The following SEMA4D variants were observed in gnomAD, a reference collection of about 807,000 sequenced individuals.
SEMA4D encodes the protein semaphorin 4D, also known as semaphorin-4D.
A neutral mutation model predicts 74.8 loss-of-function variants in SEMA4D; 22 were observed. The ratio of observed to expected loss-of-function variants is 0.29; its 90% confidence interval spans 0.21 to 0.42. The LOEUF is 0.42. Ranked by LOEUF, SEMA4D falls within the 10% of genes least tolerant of loss-of-function variation. SEMA4D has a pLI of 1.00. For missense variants in SEMA4D, 937 were observed against 1,118.4 expected (o/e 0.84, Z 2.31); for synonymous variants, 445 against 463.7 (o/e 0.96, Z 0.52).
At chr9:89,362,447 C>G (rs374909695) in intron 18 of SEMA4D, 1 of 1,613,856 alleles carries the variant, frequency 6.2e-7, no homozygotes, top group Admixed American at 1.7e-5. Context: ...ACAATGTGGT[C>G]TTTGAATCCT....
At chr9:89,382,126 CA>C (rs1837244132) in intron 13 of SEMA4D, among the ~76,000 whole-genome samples, 1 of 152,196 alleles carries the variant, frequency 6.6e-6, no homozygotes, top group Non-Finnish European at 1.5e-5. Flanking sequence ...CACCTGGCAC[CA>C]GCAGTGCCCA....
intron 2 of SEMA4D, among the ~76,000 whole-genome samples, chr9:89,454,960 G>A (rs1202770925): frequency 6.6e-6 from 1 of 152,238 alleles, no homozygotes; most frequent in Non-Finnish European, 1.5e-5. Context: ...TACAGAGAAG[G>A]AAACTGAACC....
At chr9:89,485,927 C>T (rs187487719) in intron 1 of SEMA4D, among the ~76,000 whole-genome samples, 246 of 152,012 alleles carry the variant, frequency 1.6e-3, no homozygotes, top group African/African-American at 5.4e-3. Context: ...CTTGGCTGAG[C>T]GGCTTCAAGA....
chr9:89,363,812 TC>T lies in SEMA4D; in HGVS notation c.2020del (p.Glu674SerfsTer21), dbSNP rs1833140181. 1 of 1,614,072 alleles carries T rather than the reference TC, an allele frequency of 6.2e-7. No individual in the cohort carries two copies. The highest frequency in any genetic ancestry group is 1.1e-5 in the South Asian group (1 of 91,092). On this transcript the variant is annotated frameshift_variant, in exon 17 of 19. Coordinates refer to the SEMA4D transcript ENST00000339861. LOFTEE classifies it high-confidence loss of function. ...TGAGGAGAGGACAGAGCAGCGATACTCAGCGCTTTCCCTGATGGCGTCCTGC... is the reference window on the plus strand; with the variant it reads ...TGAGGAGAGGACAGAGCAGCGATACTAGCGCTTTCCCTGATGGCGTCCTGC...
chr9:89,361,389 A>G (rs1296849534), exon 19 of SEMA4D: 2 of 152,242 alleles, frequency 1.3e-5, no homozygotes, highest in African/African-American at 4.8e-5. Context: ...TAGGATCACC[A>G]GAGGGGTGCG....
intron 1 of SEMA4D, among the ~76,000 whole-genome samples, chr9:89,486,198 C>A: frequency 6.6e-6 from 1 of 152,256 alleles, no homozygotes; most frequent in Middle Eastern, 3.4e-3. Context: ...TGCTCAAATA[C>A]CTGCATAATT....
chr9:89,413,722 T>G (rs1479815405), intron 2 of SEMA4D, among the ~76,000 whole-genome samples: 1 of 152,230 alleles, frequency 6.6e-6, no homozygotes, highest in Non-Finnish European at 1.5e-5. Flanking sequence ...TCTGTGTATG[T>G]GTGTGTATAA....
chr9:89,385,816 C>T, intron 13 of SEMA4D: 1 of 784,286 alleles, frequency 1.3e-6, no homozygotes, highest in Non-Finnish European at 1.5e-6. Flanking sequence ...GTTGGAGGTC[C>T]CGTTAGGAGC....
At chr9:89,375,631 G>A (rs1418557647), downstream of SEMA4D, among the ~76,000 whole-genome samples, 3 of 152,202 alleles carry the variant, frequency 2.0e-5, no homozygotes, top group Admixed American at 2.0e-4. Flanking sequence ...CCCCGGGGCA[G>A]GCTCTAACAG....
chr9:89,450,679 A>AAAAAAAAAAAAAAAAAC, intron 2 of SEMA4D: 1 of 820,614 alleles, frequency 1.2e-6, no homozygotes, highest in Non-Finnish European at 1.9e-6. Flanking sequence ...AAAAAAAAAA[A>AAAAAAAAAAAAAAAAAC]AAAAAAAAGG....
Position 89,379,484 on chromosome 9 carries a change from A to G in SEMA4D, c.1809T>C (p.Leu603=), listed in dbSNP as rs1836512728. 1 of 1,614,178 alleles carries G rather than the reference A, an allele frequency of 6.2e-7. No homozygotes were observed. Among genetic ancestry groups the G allele is most frequent in the Non-Finnish European group, 8.5e-7 (1 of 1,180,032 alleles). The change falls in exon 16 of 16, where the codon CTT becomes CTC. Residue 603 remains leucine, a synonymous_variant. Coordinates refer to ENST00000422704, the MANE Select transcript of SEMA4D (RefSeq NM_001371194.2). ...AGATGAGCAAGTTTTTTCTGCCCAT[A>G]AGACCGTACTTGGGGCTCTCGGCCT... is the stretch of plus-strand genomic sequence containing the variant. ...VLKAESPKYG[L]MGRKNLLIFN...
At chr9:89,451,853 C>T (rs896249546) in intron 2 of SEMA4D, among the ~76,000 whole-genome samples, 4 of 152,192 alleles carry the variant, frequency 2.6e-5, no homozygotes, top group Admixed American at 6.5e-5. Flanking sequence ...ATGTCATGCA[C>T]GCAGGTCATG....
rs778603745 is a variant in SEMA4D at position 89,384,810 on chromosome 9, G to C, written c.1446+1557C>G. ...CCGTGAGAGAGCCTGATGGGGTCAG[G>C]CGGCACAGTCTTTTTACCACTGAAC... On this transcript the variant is annotated intron_variant, in intron 13 of 15. Transcript: ENST00000422704. 8.1e-6 allele frequency: 8 copies of C among 985,228 alleles called. No individual in the cohort carries two copies. The African/African-American group carries it at 1.4e-4, about 17-fold the overall frequency. The allele number at this position is 985,228 out of a possible 1,614,324, so 61.0% of individuals were successfully genotyped here. A position where few individuals can be genotyped will look rare whatever the true frequency, so the allele number is the denominator to read the frequency against.
At chr9:89,457,367 C>A (rs1025392730) in intron 1 of SEMA4D, among the ~76,000 whole-genome samples, 2 of 152,188 alleles carry the variant, frequency 1.3e-5, no homozygotes, top group Admixed American at 1.3e-4. Flanking sequence ...TGGAAACCTT[C>A]CAAGTCCATC....
intron 3 of SEMA4D, 88 bp from the exon 4 acceptor site, chr9:89,403,104 C>G (rs1842556857): frequency 6.8e-7 from 1 of 1,460,566 alleles, no homozygotes; most frequent in Non-Finnish European, 9.4e-7. Context: ...AGGTCCCTGT[C>G]TCAGTGACAA....
At chr9:89,396,900 G>T in intron 5 of SEMA4D, 65 bp from the exon 6 acceptor site, 1 of 1,426,720 alleles carries the variant, frequency 7.0e-7, no homozygotes, top group Non-Finnish European at 9.7e-7. Context: ...TATTCAAACT[G>T]CTCACGCCGT....
chr9:89,361,441 A>G (rs183449618), exon 19 of SEMA4D: 6 of 152,350 alleles, frequency 3.9e-5, no homozygotes, highest in Admixed American at 3.9e-4. Context: ...GATAGACATG[A>G]AAACTGTCAT....
chr9:89,368,961 C>G (rs995506798), intron 16 of SEMA4D: 1 of 152,258 alleles, frequency 6.6e-6, no homozygotes, highest in African/African-American at 2.4e-5. Context: ...GGTAACCAGA[C>G]AGCTGTGTTG....
rs142880678 is a variant in SEMA4D, at chr9:89,387,409, T to C, written c.1307A>G (p.Tyr436Cys). ...ACCTGTGCTGACAAACATGACATCATAGACAGTCCCATCCAGGGCCTGGGT... is the reference window on the plus strand; with the variant it reads ...ACCTGTGCTGACAAACATGACATCACAGACAGTCCCATCCAGGGCCTGGGT... Reference protein sequence around the residue: ...DRTQALDGTVYDVMFVSTDRG... With the variant: ...DRTQALDGTVCDVMFVSTDRG... Residue 436 changes from tyrosine to cysteine, a missense_variant, in exon 12 of 16, where the codon TAT (tyrosine) becomes TGT (cysteine). Transcript: ENST00000422704. 1.9e-4 allele frequency: 307 copies of C among 1,614,014 alleles called. No individual in the cohort carries two copies. Among genetic ancestry groups the C allele is most frequent in the Non-Finnish European group, 2.3e-4 (277 of 1,179,848 alleles).
Sources: gnomAD v4.1 joint callset for allele counts (sites outside exome capture counted in the v4.1 genomes callset) on GRCh38, gnomAD v4.1.1 for gene constraint, MANE v1.5 for transcripts, NCBI Gene and HGNC (gene_info 2026-07-23, HGNC 2026-07-21) for gene names.